The following BRSK2 variants were observed in gnomAD, a reference collection of about 807,000 sequenced individuals.
The protein encoded by BRSK2 is BR serine/threonine kinase 2.
Under a neutral mutation model 83.3 loss-of-function variants are expected in BRSK2, and 19 were observed. The ratio of observed to expected loss-of-function variants is 0.23; its 90% CI spans 0.16 to 0.33. The LOEUF (loss-of-function observed/expected upper bound fraction) is 0.33, where lower values mean the gene tolerates loss of function less well. Ranked by LOEUF, BRSK2 falls within the 10% of genes least tolerant of loss-of-function variation. The pLI, the probability that BRSK2 is intolerant of heterozygous loss-of-function variation, is 1.00. For missense variants in BRSK2, 798 were observed against 1,042.3 expected (o/e 0.77, Z 3.23); for synonymous variants, 519 against 435.4 (o/e 1.19, Z -2.39).
intron 2 of BRSK2, among the ~76,000 whole-genome samples, chr11:1,437,213 A>G (rs1160702820): frequency 6.6e-6 from 1 of 152,074 alleles, no homozygotes; most frequent in Non-Finnish European, 1.5e-5. Flanking sequence ...GGATGCGGGA[A>G]AGGGGAGGTG....
At chr11:1,455,682 C>T (rs1187725050) in intron 16 of BRSK2, among the ~76,000 whole-genome samples, 3 of 152,104 alleles carry the variant, frequency 2.0e-5, no homozygotes, top group South Asian at 2.1e-4. Context: ...CTCACTTCCT[C>T]GGCCTCCTCC....
At chr11:1,406,220 C>A (rs1375663196) in intron 1 of BRSK2, among the ~76,000 whole-genome samples, 3 of 152,166 alleles carry the variant, frequency 2.0e-5, no homozygotes, top group Non-Finnish European at 4.4e-5. Context: ...CCTGTAATCC[C>A]AGCACTTTGG....
At chr11:1,443,177 A>G (rs1359985504) in intron 6 of BRSK2, 38 bp downstream of exon 6, 2 of 1,535,188 alleles carry the variant, frequency 1.3e-6, no homozygotes. Context: ...TGTGGGGCCC[A>G]GGGTGGCGGG....
intron 1 of BRSK2, among the ~76,000 whole-genome samples, chr11:1,424,452 G>C (rs981692931): frequency 6.6e-6 from 1 of 152,232 alleles, no homozygotes; most frequent in Non-Finnish European, 1.5e-5. Context: ...GCAGACAGTG[G>C]AGGCTGTGTG....
chr11:1,397,838 C>T (rs1846219080), intron 1 of BRSK2, among the ~76,000 whole-genome samples: 1 of 151,760 alleles, frequency 6.6e-6, no homozygotes, highest in Non-Finnish European at 1.5e-5. Context: ...TGGAGCTGGG[C>T]TGGGGTGGGG....
chr11:1,457,102 G>A (rs1846675317), intron 18 of BRSK2: 2 of 1,456,700 alleles, frequency 1.4e-6, no homozygotes, highest in Admixed American at 2.1e-5. Context: ...CAGGTCCTCG[G>A]CGGAGCCAGG....
intron 1 of BRSK2, among the ~76,000 whole-genome samples, chr11:1,428,807 G>A (rs1348552760): frequency 1.3e-5 from 2 of 151,720 alleles, no homozygotes; most frequent in Non-Finnish European, 2.9e-5. Context: ...GCACTGGGGT[G>A]TATGTATGCA....
intron 1 of BRSK2, among the ~76,000 whole-genome samples, chr11:1,398,875 G>C (rs1347778502): frequency 6.6e-6 from 1 of 152,196 alleles, no homozygotes; most frequent in East Asian, 1.9e-4. Flanking sequence ...GCCCCCTGGA[G>C]CCTGGAGCCC....
chr11:1,441,020 C>T, intron 4 of BRSK2, 92 bp downstream of exon 4: 1 of 1,138,980 alleles, frequency 8.8e-7, no homozygotes, highest in Non-Finnish European at 1.3e-6. Context: ...AGGACTACAC[C>T]CCCTATGGTG....
intron 18 of BRSK2, 197 bp downstream of exon 18, chr11:1,456,884 C>T (rs1846633749): frequency 2.0e-6 from 3 of 1,531,730 alleles, no homozygotes; most frequent in Non-Finnish European, 2.6e-6. Flanking sequence ...GGACCACCCG[C>T]CTCGCCTCTG....
chr11:1,427,014 G>A (rs1042423447), intron 1 of BRSK2, among the ~76,000 whole-genome samples: 1 of 152,132 alleles, frequency 6.6e-6, no homozygotes, highest in African/African-American at 2.4e-5. Context: ...GCTGCGCGGG[G>A]TCCTTCCCCA....
At chr11:1,453,122 C>T (rs917227343) in intron 15 of BRSK2, among the ~76,000 whole-genome samples, 7 of 152,210 alleles carry the variant, frequency 4.6e-5, no homozygotes, top group Admixed American at 3.9e-4. Flanking sequence ...AGGAAGGGTC[C>T]CCCGCCAGAC....
At chr11:1,404,385 C>T (rs1272461836) in intron 1 of BRSK2, among the ~76,000 whole-genome samples, 1 of 152,184 alleles carries the variant, frequency 6.6e-6, no homozygotes, top group African/African-American at 2.4e-5. Context: ...ATCGTCCCAG[C>T]CAGCCCTCCG....
At chr11:1,440,162 C>G (rs113148338) in intron 3 of BRSK2, among the ~76,000 whole-genome samples, 2 of 152,186 alleles carry the variant, frequency 1.3e-5, no homozygotes, top group Admixed American at 1.3e-4. Flanking sequence ...CAGCGTCCCA[C>G]GGGCCTCTCA....
chr11:1,440,929 G>A lies in BRSK2; in HGVS notation c.413+1G>A. The A allele has an allele frequency of 6.4e-7, 1 of 1,570,676 alleles. No homozygotes were observed. ...ACTTCTGCCACAGCCACTCCATATG[G>A]TGAGGCCCCACCCCTGGTGCCCCCC... On this transcript the variant is annotated splice_donor_variant, in intron 4 of 19. Transcript: ENST00000528841. LOFTEE classifies it high-confidence loss of function.
intron 1 of BRSK2, among the ~76,000 whole-genome samples, chr11:1,407,437 G>C (rs1329856276): frequency 6.6e-6 from 1 of 152,116 alleles, no homozygotes; most frequent in Non-Finnish European, 1.5e-5. Flanking sequence ...AGTGCCACCC[G>C]TCTTCCTGCA....
At chr11:1,448,346 G>A (rs1164684045) in intron 12 of BRSK2, among the ~76,000 whole-genome samples, 2 of 152,308 alleles carry the variant, frequency 1.3e-5, no homozygotes, top group African/African-American at 2.4e-5. Flanking sequence ...AGGCTGCAGT[G>A]TGCTGGCTGC....
At chr11:1,400,113 T>G (rs1445627279) in intron 1 of BRSK2, among the ~76,000 whole-genome samples, 1 of 152,216 alleles carries the variant, frequency 6.6e-6, no homozygotes, top group Non-Finnish European at 1.5e-5. Flanking sequence ...AGGAAGCCAG[T>G]CGGATGCTGG....
In BRSK2 at chr11:1,462,105, GAAAAA is replaced by G. The variant is rs1023027728; in HGVS notation, c.*1386_*1390del. On this transcript the variant is annotated 3_prime_UTR_variant, in exon 20 of 20. Transcript: ENST00000528841. ...CTTTTCTTATTAAAATGAAAAAATT[GAAAAA>G]AAAGGACAAAGAGTCGGTGGCGCTC... 1 of 151,794 alleles carries G rather than the reference GAAAAA, an allele frequency of 6.6e-6. No homozygotes were observed. The highest frequency in any genetic ancestry group is 1.5e-5 in the Non-Finnish European group (1 of 67,888). 9.4% of individuals were successfully genotyped at this position (151,794 alleles called of 1,614,324 possible).
Sources: gnomAD v4.1 joint callset for allele counts (sites outside exome capture counted in the v4.1 genomes callset) on GRCh38, gnomAD v4.1.1 for gene constraint, MANE v1.5 for transcripts, NCBI Gene and HGNC (gene_info 2026-07-23, HGNC 2026-07-21) for gene names.